KCNAB1: variants seen among roughly 807,000 people sequenced by gnomAD.
KCNAB1 encodes voltage-gated potassium channel subunit beta-1.
Under a neutral mutation model 64.6 loss-of-function variants are expected in KCNAB1, and 35 were observed. The ratio of observed to expected loss-of-function variants is 0.54; its 90% confidence interval spans 0.41 to 0.72. KCNAB1 has a LOEUF of 0.72. Ranked by LOEUF, KCNAB1 falls within the 30% of genes least tolerant of loss-of-function variation. KCNAB1 has a pLI of 0.00. For missense variants in KCNAB1, 401 were observed against 512.9 expected (o/e 0.78, Z 2.11); for synonymous variants, 177 against 183.8 (o/e 0.96, Z 0.30).
chr3:156,134,717 A>G (rs1253315372), intron 1 of KCNAB1, among the ~76,000 whole-genome samples: 1 of 152,264 alleles, frequency 6.6e-6, no homozygotes, highest in Non-Finnish European at 1.5e-5. Context: ...ATAGAACACA[A>G]TATTTCAAAA....
chr3:156,272,412 C>T (rs967051243), intron 1 of KCNAB1, among the ~76,000 whole-genome samples: 1 of 152,278 alleles, frequency 6.6e-6, no homozygotes. Flanking sequence ...AAGCTAGCAA[C>T]AAAAACACAA....
At chr3:156,232,868 A>G (rs1001823315) in intron 1 of KCNAB1, among the ~76,000 whole-genome samples, 2 of 152,234 alleles carry the variant, frequency 1.3e-5, no homozygotes, top group African/African-American at 4.8e-5. Context: ...ATTTTCAGAA[A>G]AACACAGAAA....
At chr3:156,381,806 G>A (rs1367956889) in intron 1 of KCNAB1, among the ~76,000 whole-genome samples, 1 of 152,120 alleles carries the variant, frequency 6.6e-6, no homozygotes, top group Admixed American at 6.5e-5. Context: ...GATGAGACCT[G>A]GGTAAAACTG....
chr3:156,300,664 T>G (rs1359162361), intron 1 of KCNAB1, among the ~76,000 whole-genome samples: 1 of 152,192 alleles, frequency 6.6e-6, no homozygotes, highest in Non-Finnish European at 1.5e-5. Context: ...ATGAAACAAT[T>G]TCTGTAAAAC....
At position 156,165,684 on chromosome 3, in the gene KCNAB1, A is replaced by G. The variant is rs1267624414; in HGVS notation, c.275+44798A>G. On this transcript the variant is annotated intron_variant, in intron 1 of 13. Coordinates refer to ENST00000490337, the MANE Select transcript of KCNAB1 (RefSeq NM_172160.3). ...TACATTTGCCTTTCTCTTCTAAGCA[A>G]ATGATGTTTTGTTATAGTTAGTGTT... 6.6e-5 allele frequency among the ~76,000 whole-genome samples: 10 copies of G among 152,346 alleles called. No homozygotes were observed. In the East Asian group the frequency reaches 1.9e-3, roughly 29 times the overall value.
chr3:156,429,570 C>A (rs1716065605), intron 2 of KCNAB1, among the ~76,000 whole-genome samples: 1 of 152,212 alleles, frequency 6.6e-6, no homozygotes, highest in Admixed American at 6.5e-5. Context: ...GTAGTCCTGG[C>A]TCATCTCCGT....
chr3:156,401,934 A>G (rs143070237), intron 1 of KCNAB1, among the ~76,000 whole-genome samples: 1 of 152,080 alleles, frequency 6.6e-6, no homozygotes, highest in Non-Finnish European at 1.5e-5. Context: ...TTTTAAAAAA[A>G]CAAGAAAGAG....
intron 1 of KCNAB1, among the ~76,000 whole-genome samples, chr3:156,129,087 T>C (rs1577613563): frequency 6.6e-6 from 1 of 152,328 alleles, no homozygotes; most frequent in African/African-American, 2.4e-5. Flanking sequence ...CCTCATAGTC[T>C]TGTTACAACC....
intron 8 of KCNAB1, among the ~76,000 whole-genome samples, chr3:156,494,400 C>T (rs1369913875): frequency 6.6e-6 from 1 of 152,064 alleles, no homozygotes; most frequent in Non-Finnish European, 1.5e-5. Flanking sequence ...CCCTGGGAAG[C>T]CATCCTAATG....
At chr3:156,375,273 G>T (rs768437946) in intron 1 of KCNAB1, among the ~76,000 whole-genome samples, 5 of 135,302 alleles carry the variant, frequency 3.7e-5, no homozygotes, top group Non-Finnish European at 7.7e-5. Context: ...CTTGCAAAAG[G>T]CCACAGTCCT....
chr3:156,431,519 T>C (rs553513881), intron 2 of KCNAB1, among the ~76,000 whole-genome samples: 17 of 152,276 alleles, frequency 1.1e-4, no homozygotes, highest in Non-Finnish European at 1.6e-4. Flanking sequence ...GAAAGTGCAG[T>C]GTACGTGGCT....
intron 1 of KCNAB1, among the ~76,000 whole-genome samples, chr3:156,185,142 C>T (rs1469249720): frequency 4.6e-5 from 7 of 152,190 alleles, no homozygotes; most frequent in Admixed American, 4.6e-4. Flanking sequence ...AAGTCCCTAC[C>T]TGTTGTCTTC....
intron 1 of KCNAB1, among the ~76,000 whole-genome samples, chr3:156,390,478 GTGTT>G (rs978296409): frequency 1.8e-4 from 27 of 152,198 alleles, no homozygotes; most frequent in Non-Finnish European, 3.1e-4. Flanking sequence ...AGGAGGGAAA[GTGTT>G]TGAACTCTTT....
At chr3:156,456,330 T>C (rs1417397275) in intron 3 of KCNAB1, among the ~76,000 whole-genome samples, 1 of 152,244 alleles carries the variant, frequency 6.6e-6, no homozygotes. Context: ...CAGTATGTCA[T>C]ATGACATACA....
Position 156,236,409 on chromosome 3 carries a change from T to G in KCNAB1, c.275+115523T>G, listed in dbSNP as rs577210991. The stretch of plus-strand genomic sequence containing the variant: ...ATGGATTCTGAAGCTCAACCCACAC[T>G]TATTGAATCATGGTCTCTAGGAGTG... On this transcript the variant is annotated intron_variant, in intron 1 of 13. Coordinates refer to ENST00000490337, the MANE Select transcript of KCNAB1 (RefSeq NM_172160.3). 1.4e-4 allele frequency among the ~76,000 whole-genome samples: 21 copies of G among 152,294 alleles called. No homozygotes were observed. The South Asian group carries it at 4.4e-3, about 32-fold the overall frequency.
In KCNAB1 at chr3:156,455,936, C is replaced by T. The variant is rs113445249; in HGVS notation, c.358-1517C>T. On this transcript the variant is annotated intron_variant, in intron 3 of 13. Coordinates refer to ENST00000490337, the MANE Select transcript of KCNAB1 (RefSeq NM_172160.3). ...ATTGGCCAGGGTGTGTCACATGACC[C>T]TTCCTGAGCAACTCACTCGTAGGCC... is the stretch of plus-strand genomic sequence containing the variant. The T allele has an allele frequency of 8.3e-3, 1,259 of 152,380 alleles. 22 individuals carry two copies. Among genetic ancestry groups the T allele is most frequent in the African/African-American group, 0.029 (1,209 of 41,558 alleles). 9.4% of individuals were successfully genotyped at this position (152,380 alleles called of 1,614,324 possible).
At chr3:156,311,454 C>T (rs919361572) in intron 1 of KCNAB1, among the ~76,000 whole-genome samples, 2 of 152,236 alleles carry the variant, frequency 1.3e-5, no homozygotes, top group Admixed American at 1.3e-4. Flanking sequence ...GGGGTTGGGT[C>T]CTACCACTGA....
intron 1 of KCNAB1, among the ~76,000 whole-genome samples, chr3:156,145,345 A>G (rs879310219): frequency 7.9e-5 from 12 of 152,082 alleles, no homozygotes; most frequent in Non-Finnish European, 1.6e-4. Flanking sequence ...CCACTCCCCA[A>G]TGTCCTTAGT....
At chr3:156,398,950 G>T (rs1576817584) in intron 1 of KCNAB1, among the ~76,000 whole-genome samples, 1 of 152,140 alleles carries the variant, frequency 6.6e-6, no homozygotes, top group South Asian at 2.1e-4. Flanking sequence ...GTTGTGTTCT[G>T]CCATGATTGG....
Sources: gnomAD v4.1 joint callset for allele counts (sites outside exome capture counted in the v4.1 genomes callset) on GRCh38, gnomAD v4.1.1 for gene constraint, MANE v1.5 for transcripts, NCBI Gene and HGNC (gene_info 2026-07-23, HGNC 2026-07-21) for gene names.